Variants in HPGDS observed in about 807,000 individuals in gnomAD.
HPGDS encodes the protein GST class-sigma.
Under a neutral mutation model 23.1 loss-of-function variants are expected in HPGDS, and 26 were observed. The ratio of observed to expected loss-of-function variants is 1.13; its 90% CI spans 0.83 to 1.56. HPGDS has a LOEUF of 1.56. HPGDS is among the 40% of genes most tolerant of loss of function. The probability of loss-of-function intolerance (pLI) is 0.00; values close to 1 mark genes in which losing one functional copy is unlikely to be tolerated. For synonymous variants in HPGDS, 95 were observed against 77.9 expected (o/e 1.22, Z -1.16); for missense variants, 268 against 236.4 (o/e 1.13, Z -0.88).
intron 3 of HPGDS, among the ~76,000 whole-genome samples, chr4:94,314,589 G>T (rs1451685041): frequency 6.6e-6 from 1 of 152,202 alleles, no homozygotes; most frequent in Non-Finnish European, 1.5e-5. Flanking sequence ...AGGGGTCAGA[G>T]ACCCACTTGA....
chr4:94,313,541 C>T (rs1429743907), intron 3 of HPGDS, among the ~76,000 whole-genome samples: 1 of 152,182 alleles, frequency 6.6e-6, no homozygotes, highest in Non-Finnish European at 1.5e-5. Flanking sequence ...TTGTGGGTAA[C>T]CCGACCTTTC....
Position 94,310,691 on chromosome 4 carries a change from A to T in HPGDS, c.227-1948T>A, listed in dbSNP as rs573830508. On this transcript the variant is annotated intron_variant, in intron 3 of 5. Coordinates refer to ENST00000295256, the MANE Select transcript of HPGDS (RefSeq NM_014485.3). ...TGTGAAGAAAGTCACTGGTAGCTTG[A>T]TGGGAACGGCACTAAATCTATAAAT... Among the ~76,000 whole-genome samples, 9 of 152,278 alleles carry T rather than the reference A, an allele frequency of 5.9e-5. No homozygotes were observed. In the South Asian group the frequency reaches 1.9e-3, roughly 32 times the overall value.
chr4:94,308,772 T>A (rs1455111719), intron 3 of HPGDS, 29 bp from the exon 4 acceptor site: 1 of 1,178,564 alleles, frequency 8.5e-7, no homozygotes, highest in Non-Finnish European at 1.3e-6. Context: ...CCCATCAATA[T>A]GTTTAATTTA....
chr4:94,322,497 G>C (rs986070112), intron 2 of HPGDS, among the ~76,000 whole-genome samples: 1 of 152,184 alleles, frequency 6.6e-6, no homozygotes, highest in African/African-American at 2.4e-5. Context: ...TGGGGAAGGT[G>C]TATGTGTCCA....
intron 1 of HPGDS, among the ~76,000 whole-genome samples, chr4:94,341,978 C>G (rs1166657264): frequency 6.6e-6 from 1 of 152,292 alleles, no homozygotes; most frequent in African/African-American, 2.4e-5. Flanking sequence ...CCTCATTTCA[C>G]AGTGTCCCTG....
At position 94,308,096 on chromosome 4, in the gene HPGDS, C is replaced by T. The variant is rs114584027; in HGVS notation, c.336+538G>A. Among the ~76,000 whole-genome samples, 883 of 152,198 alleles carry T rather than the reference C, an allele frequency of 5.8e-3. 6 individuals carry two copies. The highest frequency in any genetic ancestry group is 0.054 in the Middle Eastern group (16 of 294). On this transcript the variant is annotated intron_variant, in intron 4 of 5. Transcript: ENST00000295256. ...GATATATAGGGGATGGGGCCTAAAT[C>T]TAAAAACCAAATTCATTTATGTTTC...
intron 3 of HPGDS, among the ~76,000 whole-genome samples, chr4:94,309,373 T>G (rs1292172041): frequency 6.8e-6 from 1 of 146,364 alleles, no homozygotes; most frequent in Non-Finnish European, 1.5e-5. Flanking sequence ...AGTGAGAACA[T>G]GCAGTGTTTG....
intron 3 of HPGDS, among the ~76,000 whole-genome samples, chr4:94,312,687 A>G (rs1009083002): frequency 3.3e-5 from 5 of 152,044 alleles, no homozygotes; most frequent in African/African-American, 7.3e-5. Context: ...CAATTCCTGG[A>G]TATCCTTGTT....
rs1756052994 is a variant in HPGDS, at chr4:94,302,143, C to CA, written c.435+2dup. 6.3e-7 allele frequency: 1 copy of CA among 1,586,784 alleles called. No individual in the cohort carries two copies. The highest frequency in any genetic ancestry group is 8.7e-7 in the Non-Finnish European group (1 of 1,155,980). On this transcript the variant is annotated splice_region_variant and intron_variant, in intron 5 of 5. Transcript: ENST00000295256. Reference sequence around the variant, plus strand: ...AATTTTTTAAGATATAAAACATACTCACAGAGTTACCAATAAGCCATTCTC... The same window carrying CA: ...AATTTTTTAAGATATAAAACATACTCAACAGAGTTACCAATAAGCCATTCTC...
intron 1 of HPGDS, among the ~76,000 whole-genome samples, chr4:94,339,439 G>A (rs1355689379): frequency 6.6e-6 from 1 of 152,092 alleles, no homozygotes; most frequent in Non-Finnish European, 1.5e-5. Flanking sequence ...TACTAATTCA[G>A]CAGATAGATA....
intron 1 of HPGDS, among the ~76,000 whole-genome samples, chr4:94,341,626 A>G (rs1464639596): frequency 2.0e-5 from 3 of 152,224 alleles, no homozygotes; most frequent in African/African-American, 7.2e-5. Flanking sequence ...GAATTCAAAC[A>G]TATTTGGGCA....
In HPGDS at chr4:94,319,157, T is replaced by G. The variant is rs114350542; in HGVS notation, c.134-1192A>C. On this transcript the variant is annotated intron_variant, in intron 2 of 5. Coordinates refer to ENST00000295256, the MANE Select transcript of HPGDS (RefSeq NM_014485.3). ...GTTGACATCTCCAACTCTTGTTACA[T>G]TAGAATCTATCTCTAACTTCAGTTC... 2.8e-3 allele frequency among the ~76,000 whole-genome samples: 428 copies of G among 152,322 alleles called. 2 individuals carry two copies. The highest frequency in any genetic ancestry group is 9.9e-3 in the African/African-American group (410 of 41,568).
Position 94,334,673 on chromosome 4 carries a change from G to A in HPGDS, c.-9-35C>T, listed in dbSNP as rs1200453663. 5.0e-6 allele frequency: 8 copies of A among 1,585,162 alleles called. No homozygotes were observed. The East Asian group carries it at 1.1e-4, about 22-fold the overall frequency. On this transcript the variant is annotated intron_variant, in intron 1 of 5. Transcript: ENST00000295256. ...GAAAAAGGGAGGGATTATTTTAAGA[G>A]CCCTCTAGAGATGCCTCAATATTTT... is the stretch of plus-strand genomic sequence containing the variant.
At chr4:94,340,177 C>CGATCATCT (rs1721109171) in intron 1 of HPGDS, among the ~76,000 whole-genome samples, 1 of 151,596 alleles carries the variant, frequency 6.6e-6, no homozygotes, top group Admixed American at 6.6e-5. Flanking sequence ...AGGATGGTCT[C>CGATCATCT]GATCATCTGA....
chr4:94,332,932 T>TA (rs1260300437), intron 2 of HPGDS, among the ~76,000 whole-genome samples: 2 of 152,218 alleles, frequency 1.3e-5, no homozygotes, highest in Non-Finnish European at 2.9e-5. Flanking sequence ...TATTTCTTTG[T>TA]CCTTATGGAC....
intron 5 of HPGDS, 46 bp from the exon 6 acceptor site, chr4:94,299,690 G>C: frequency 6.6e-7 from 1 of 1,516,134 alleles, no homozygotes; most frequent in South Asian, 1.2e-5. Flanking sequence ...AGAAAGTGTA[G>C]CTGTATCAGC....
chr4:94,340,952 C>G, intron 1 of HPGDS, among the ~76,000 whole-genome samples: 1 of 147,952 alleles, frequency 6.8e-6, no homozygotes, highest in East Asian at 2.0e-4. Context: ...TCAAGCGATT[C>G]TCCCTGCCTC....
intron 3 of HPGDS, among the ~76,000 whole-genome samples, chr4:94,314,219 T>G (rs888235590): frequency 1.3e-5 from 2 of 152,222 alleles, no homozygotes; most frequent in Admixed American, 6.5e-5. Context: ...GGTGCTCTGA[T>G]TTTTTGAATT....
chr4:94,319,463 T>G (rs1038922957), intron 2 of HPGDS, among the ~76,000 whole-genome samples: 12 of 152,228 alleles, frequency 7.9e-5, no homozygotes, highest in Admixed American at 6.5e-5. Flanking sequence ...ATTTTGTTTT[T>G]GATTCAGCCA....
Sources: gnomAD v4.1 joint callset for allele counts (sites outside exome capture counted in the v4.1 genomes callset) on GRCh38, gnomAD v4.1.1 for gene constraint, MANE v1.5 for transcripts, NCBI Gene and HGNC (gene_info 2026-07-23, HGNC 2026-07-21) for gene names.